The following FOLR3 variants were observed in gnomAD, a reference collection of about 807,000 sequenced individuals.
FOLR3 encodes the protein folate receptor gamma, also known as folate receptor 3 (gamma).
Under a neutral mutation model 20.0 loss-of-function variants are expected in FOLR3, and 9 were observed. The observed-to-expected ratio is 0.45, with a 90% CI of 0.27 to 0.79. The LOEUF (loss-of-function observed/expected upper bound fraction) is 0.79. FOLR3 is among the 30% of genes least tolerant of loss of function. The pLI, the probability that FOLR3 is intolerant of heterozygous loss-of-function variation, is 0.15. For synonymous variants in FOLR3, 124 were observed against 115.5 expected, an observed-to-expected ratio of 1.07 and a Z score of -0.47; for missense variants, 309 against 323.5, an observed-to-expected ratio of 0.96 and a Z score of 0.34.
chr11:72,139,812 G>A lies in FOLR3; in HGVS notation c.719G>A (p.Arg240His), dbSNP rs374758856. ...GCCATGAATGCTGGGGCCCCGTCTC[G>A]TGGGATTATTGATTCCTGATCCAAG... is the stretch of plus-strand genomic sequence containing the variant. ...AAAMNAGAPSRGIIDS is the reference protein window; with the variant it reads ...AAAMNAGAPSHGIIDS Residue 240 changes from arginine (R) to histidine (H), a missense_variant, in exon 5 of 5, where the codon CGT becomes CAT. Coordinates refer to ENST00000611028, the MANE Select transcript of FOLR3 (RefSeq NM_000804.4). 3.2e-4 allele frequency: 521 copies of A among 1,613,976 alleles called. 1 individual carries two copies. The highest frequency in any genetic ancestry group is 4.9e-4 in the South Asian group (45 of 91,082).
At position 72,138,088 on chromosome 11, in the gene FOLR3, C is replaced by T. The variant is rs547269012; in HGVS notation, c.169-873C>T. Among the ~76,000 whole-genome samples the T allele has an allele frequency of 8.5e-5, 13 of 152,184 alleles. No individual in the cohort carries two copies. In the South Asian group the frequency reaches 2.5e-3, roughly 29 times the overall value. On this transcript the variant is annotated intron_variant, in intron 2 of 4. Coordinates refer to ENST00000611028, the MANE Select transcript of FOLR3 (RefSeq NM_000804.4). ...ATAAGCTGAATAACATGAAATAGGCCGAACGCGGTGACTCACGCCTGTAAT... is the reference window on the plus strand; with the variant it reads ...ATAAGCTGAATAACATGAAATAGGCTGAACGCGGTGACTCACGCCTGTAAT...
rs1565347894 is a variant in FOLR3, at chr11:72,135,774, G to T, written c.-7+6G>T. The T allele has an allele frequency of 5.9e-6, 4 of 673,374 alleles. No homozygotes were observed. The Admixed American group carries it at 8.0e-5, about 13-fold the overall frequency. 41.7% of individuals were successfully genotyped at this position (673,374 alleles called of 1,614,324 possible). On this transcript the variant is annotated splice_donor_region_variant and intron_variant, in intron 1 of 4. Transcript: ENST00000611028. ...GGTGGAGGTCCTGCCTCCAGGTAGGGGAAGGGCTCCCTCTCACCTCTACAC... is the reference window on the plus strand; with the variant it reads ...GGTGGAGGTCCTGCCTCCAGGTAGGTGAAGGGCTCCCTCTCACCTCTACAC...
At chr11:72,139,207 CTG>C in intron 3 of FOLR3, 58 bp downstream of exon 3, 1 of 1,572,356 alleles carries the variant, frequency 6.4e-7, no homozygotes, top group East Asian at 2.2e-5. Flanking sequence ...CTGCCAGTTG[CTG>C]GCAGGGAGGG....
Position 72,139,335 on chromosome 11 carries a change from C to T in FOLR3, c.358-12C>T. The T allele has an allele frequency of 1.2e-6, 2 of 1,609,918 alleles. No homozygotes were observed. Among genetic ancestry groups the T allele is most frequent in the East Asian group, 4.5e-5 (2 of 44,734 alleles). ...GTGGCTGACAGGAGTATTCTGTCTC[C>T]TCCCCACTCAGGTCAACCAGAGCTG... On this transcript the variant is annotated splice_polypyrimidine_tract_variant and intron_variant, in intron 3 of 4. Coordinates refer to ENST00000611028, the MANE Select transcript of FOLR3 (RefSeq NM_000804.4).
rs748474250 is a variant in FOLR3 at position 72,139,133 on chromosome 11, G to T, written c.341G>T (p.Gly114Val). 5 of 1,613,396 alleles carry T rather than the reference G, an allele frequency of 3.1e-6. No homozygotes were observed. Among genetic ancestry groups the T allele is most frequent in the Non-Finnish European group, 4.2e-6 (5 of 1,179,542 alleles). ...CTCTATGAGTGCTCACCCAACCTGG[G>T]GCCCTGGATCCGGCAGGTATGAGTG... ...SCLYECSPNL[G>V]PWIRQVNQSW... Residue 114 changes from glycine to valine, a missense_variant, in exon 3 of 5, where the codon GGG becomes GTG. Gly to Val is a moderately radical substitution (Grantham distance 109). Coordinates refer to ENST00000611028, the MANE Select transcript of FOLR3 (RefSeq NM_000804.4).
rs937270220 is a variant in FOLR3, at chr11:72,139,681, C to T, written c.588C>T (p.Ser196=). 1 of 1,613,748 alleles carries T rather than the reference C, an allele frequency of 6.2e-7. No homozygotes were observed. Among genetic ancestry groups the T allele is most frequent in the Admixed American group, 1.7e-5 (1 of 60,032 alleles). Residue 196 remains serine, a synonymous_variant, in exon 5 of 5, where the codon TCC becomes TCT. Transcript: ENST00000611028. ...TTTGTGAAGGCCTCTGGAGCCACTC[C>T]TTCAAGGTCAGCAACTATAGTCGAG... The part of the protein sequence containing the change: ...AALCEGLWSH[S]FKVSNYSRGS...
At chr11:72,137,528 G>A (rs1947756879) in intron 2 of FOLR3, among the ~76,000 whole-genome samples, 3 of 150,544 alleles carry the variant, frequency 2.0e-5, no homozygotes, top group African/African-American at 7.4e-5. Flanking sequence ...TTTCGCTCTT[G>A]TTGCCCAGGC....
At chr11:72,139,264 C>T (rs1405066885) in intron 3 of FOLR3, 83 bp from the exon 4 acceptor site, 3 of 1,555,502 alleles carry the variant, frequency 1.9e-6, no homozygotes, top group Non-Finnish European at 2.6e-6. Flanking sequence ...CGCCCTGCCC[C>T]CTCCCACAGC....
chr11:72,135,752 G>A lies in FOLR3; in HGVS notation c.-23G>A, dbSNP rs1252160220. ...AGCCTGGACCTACAGCGCTGTTGGT[G>A]GAGGTCCTGCCTCCAGGTAGGGGAA... On this transcript the variant is annotated 5_prime_UTR_variant, in exon 1 of 5. Transcript: ENST00000611028. The A allele has an allele frequency of 1.1e-5, 7 of 616,858 alleles. No homozygotes were observed. The highest frequency in any genetic ancestry group is 2.0e-5 in the Non-Finnish European group (7 of 348,846). The allele number at this position is 616,858 out of a possible 1,614,324, so 38.2% of individuals were successfully genotyped here. A position where few individuals can be genotyped will look rare whatever the true frequency, so the allele number is the denominator to read the frequency against.
intron 2 of FOLR3, 109 bp from the exon 3 acceptor site, chr11:72,138,852 C>A: frequency 7.4e-7 from 1 of 1,357,128 alleles, no homozygotes; most frequent in Non-Finnish European, 1.0e-6. Flanking sequence ...CCTCAAGGGC[C>A]CTCCCCAGGA....
intron 2 of FOLR3, among the ~76,000 whole-genome samples, chr11:72,136,618 C>G (rs910490006): frequency 6.6e-6 from 1 of 152,092 alleles, no homozygotes; most frequent in African/African-American, 2.4e-5. Context: ...GTTGTGCAAC[C>G]ATCACCACCA....
rs2229185 is a variant in FOLR3 at position 72,139,631 on chromosome 11, T to C, written c.538T>C (p.Ser180Pro). The C allele has an allele frequency of 3.4e-4, 544 of 1,613,470 alleles. No individual in the cohort carries two copies. The highest frequency in any genetic ancestry group is 5.2e-4 in the Middle Eastern group (3 of 5,776). Residue 180 changes from serine (S) to proline (P), a missense_variant, in exon 5 of 5, where the codon TCC becomes CCC. Ser to Pro is a moderately conservative substitution (Grantham distance 74, BLOSUM62 -1). Transcript: ENST00000611028. ...PAGALCSTFESYFPTPAALCE... is the reference protein window; with the variant it reads ...PAGALCSTFEPYFPTPAALCE... ...CGGGGCCCTCTGCAGCACCTTTGAG[T>C]CCTACTTCCCCACTCCAGCCGCCCT...
At chr11:72,138,188 G>A (rs1947764388) in intron 2 of FOLR3, among the ~76,000 whole-genome samples, 1 of 152,158 alleles carries the variant, frequency 6.6e-6, no homozygotes, top group African/African-American at 2.4e-5. Flanking sequence ...CAAACATGGT[G>A]AACCCCCGTC....
chr11:72,138,334 C>G (rs1380257706), intron 2 of FOLR3, among the ~76,000 whole-genome samples: 2 of 152,066 alleles, frequency 1.3e-5, no homozygotes, highest in Admixed American at 1.3e-4. Flanking sequence ...CCACTGCACT[C>G]CAGTCTGGGC....
intron 4 of FOLR3, 45 bp from the exon 5 acceptor site, chr11:72,139,542 G>C (rs773915699): frequency 1.8e-4 from 286 of 1,612,858 alleles, no homozygotes; most frequent in Non-Finnish European, 2.4e-4. Flanking sequence ...TGGGAGGGGT[G>C]CGGTCTGGCC....
At chr11:72,137,465 C>T (rs1947755844) in intron 2 of FOLR3, among the ~76,000 whole-genome samples, 1 of 151,722 alleles carries the variant, frequency 6.6e-6, no homozygotes, top group Non-Finnish European at 1.5e-5. Context: ...GGCCAGGTTC[C>T]TCTCCTCCCT....
chr11:72,139,674 GC>G lies in FOLR3; in HGVS notation c.583del (p.His195ThrfsTer39). ...TPAALCEGLW[S>X]HSFKVSNYSR... Reference sequence around the variant, plus strand: ...GCCGCCCTTTGTGAAGGCCTCTGGAGCCACTCCTTCAAGGTCAGCAACTATA... The same window carrying G: ...GCCGCCCTTTGTGAAGGCCTCTGGAGCACTCCTTCAAGGTCAGCAACTATA... On this transcript the variant is annotated frameshift_variant, in exon 5 of 5. Coordinates refer to ENST00000611028, the MANE Select transcript of FOLR3 (RefSeq NM_000804.4). LOFTEE classifies it low-confidence loss of function (END_TRUNC). 1.9e-6 allele frequency: 3 copies of G among 1,613,622 alleles called. No individual in the cohort carries two copies. Among genetic ancestry groups the G allele is most frequent in the Non-Finnish European group, 2.5e-6 (3 of 1,179,918 alleles).
At chr11:72,136,856 T>C (rs1947748036) in intron 2 of FOLR3, among the ~76,000 whole-genome samples, 2 of 152,220 alleles carry the variant, frequency 1.3e-5, no homozygotes, top group Non-Finnish European at 1.5e-5. Context: ...CTCATTGTAC[T>C]CAGTAACTCT....
chr11:72,138,701 T>C (rs1947771360), intron 2 of FOLR3: 2 of 516,714 alleles, frequency 3.9e-6, no homozygotes, highest in Non-Finnish European at 7.0e-6. Context: ...GAGCCCAGGA[T>C]GTTGAGGCTG....
Sources: allele counts gnomAD v4.1 joint callset (sites outside exome capture counted in the v4.1 genomes callset), GRCh38; gene constraint gnomAD v4.1.1; transcripts MANE v1.5; gene names NCBI Gene and HGNC (gene_info 2026-07-23, HGNC 2026-07-21).